The following CADPS2 variants were observed in gnomAD, a reference collection of about 807,000 sequenced individuals.
CADPS2 encodes calcium dependent secretion activator 2.
In CADPS2, 93 loss-of-function variants were observed where a neutral mutation model predicts 172.5. The observed-to-expected ratio is 0.54, with a 90% CI of 0.46 to 0.64. CADPS2 has a LOEUF of 0.64. Ranked by LOEUF, CADPS2 falls within the 30% of genes least tolerant of loss-of-function variation. CADPS2 has a pLI of 0.00. For synonymous variants in CADPS2, 546 were observed against 555.2 expected (o/e 0.98, Z 0.23); for missense variants, 1,420 against 1,565.9 (o/e 0.91, Z 1.57).
intron 9 of CADPS2, among the ~76,000 whole-genome samples, chr7:122,511,362 A>C (rs2059988790): frequency 6.6e-6 from 1 of 152,168 alleles, no homozygotes; most frequent in Admixed American, 6.5e-5. Context: ...ATATGCTAGA[A>C]AATAAGATAA....
chr7:122,863,127 T>C (rs965205200), intron 1 of CADPS2, among the ~76,000 whole-genome samples: 1 of 152,164 alleles, frequency 6.6e-6, no homozygotes, highest in Non-Finnish European at 1.5e-5. Context: ...TCACAACCAT[T>C]ATTGCTGCTG....
intron 14 of CADPS2, among the ~76,000 whole-genome samples, chr7:122,464,409 C>A (rs2054872841): frequency 6.6e-6 from 1 of 152,196 alleles, no homozygotes; most frequent in Admixed American, 6.5e-5. Context: ...ATATTCCTTA[C>A]AGAAGAATTC....
intron 1 of CADPS2, among the ~76,000 whole-genome samples, chr7:122,839,304 T>G (rs979951732): frequency 1.3e-5 from 2 of 152,106 alleles, no homozygotes; most frequent in Non-Finnish European, 2.9e-5. Context: ...ACTTAAATGT[T>G]AGACCTAAAA....
At chr7:122,673,912 G>A (rs2082128090) in intron 2 of CADPS2, among the ~76,000 whole-genome samples, 1 of 151,888 alleles carries the variant, frequency 6.6e-6, no homozygotes, top group Non-Finnish European at 1.5e-5. Flanking sequence ...CACGGCGGGG[G>A]GTGGGGGTGG....
chr7:122,609,899 A>T (rs1179938542), intron 6 of CADPS2, among the ~76,000 whole-genome samples: 1 of 152,164 alleles, frequency 6.6e-6, no homozygotes, highest in African/African-American at 2.4e-5. Context: ...GATGGAGGAG[A>T]TGAATCTCTT....
chr7:122,504,065 C>A (rs1563532392), intron 9 of CADPS2, among the ~76,000 whole-genome samples: 1 of 152,182 alleles, frequency 6.6e-6, no homozygotes, highest in Non-Finnish European at 1.5e-5. Flanking sequence ...ATGTCAAATG[C>A]AAATTCCACT....
intron 2 of CADPS2, among the ~76,000 whole-genome samples, chr7:122,691,709 T>G (rs1242838374): frequency 2.0e-5 from 3 of 152,144 alleles, no homozygotes; most frequent in Non-Finnish European, 4.4e-5. Flanking sequence ...GGAGCAATGT[T>G]GATTGAGAGG....
intron 1 of CADPS2, among the ~76,000 whole-genome samples, chr7:122,820,521 T>C (rs1265512468): frequency 7.0e-6 from 1 of 143,208 alleles, no homozygotes; most frequent in African/African-American, 2.6e-5. Flanking sequence ...AGCCTTTCTG[T>C]CCAAACAACT....
intron 2 of CADPS2, chr7:122,702,355 A>G: frequency 6.2e-7 from 1 of 1,613,734 alleles, no homozygotes; most frequent in Non-Finnish European, 8.5e-7. Context: ...CCGTACCTTG[A>G]TAGTTGTAGA....
chr7:122,531,599 A>G (rs146093331), intron 8 of CADPS2, among the ~76,000 whole-genome samples: 29 of 152,294 alleles, frequency 1.9e-4, no homozygotes, highest in African/African-American at 6.7e-4. Context: ...GTTGAGTCTC[A>G]ATCAGTTTTT....
chr7:122,456,686 G>C (rs2053821738), intron 14 of CADPS2, among the ~76,000 whole-genome samples: 1 of 152,172 alleles, frequency 6.6e-6, no homozygotes, highest in African/African-American at 2.4e-5. Context: ...ACTGAGGCCT[G>C]ATCTTAACGT....
chr7:122,327,813 C>T (rs905055793), intron 28 of CADPS2, among the ~76,000 whole-genome samples: 1 of 151,392 alleles, frequency 6.6e-6, no homozygotes, highest in Non-Finnish European at 1.5e-5. Flanking sequence ...AAGTTAACTG[C>T]AAAAACAGAA....
At chr7:122,422,815 C>A (rs2048688163) in intron 17 of CADPS2, among the ~76,000 whole-genome samples, 1 of 150,548 alleles carries the variant, frequency 6.6e-6, no homozygotes, top group Non-Finnish European at 1.5e-5. Context: ...AAAAAATAGC[C>A]TGGCGTGGTG....
intron 1 of CADPS2, among the ~76,000 whole-genome samples, chr7:122,848,592 G>A (rs1017717622): frequency 6.6e-6 from 1 of 152,164 alleles, no homozygotes; most frequent in African/African-American, 2.4e-5. Context: ...CTAGAAAGAG[G>A]CAAAACTGCG....
chr7:122,732,802 T>C (rs2091791166), intron 2 of CADPS2, among the ~76,000 whole-genome samples: 1 of 142,304 alleles, frequency 7.0e-6, no homozygotes, highest in African/African-American at 2.6e-5. Flanking sequence ...ATACATTATA[T>C]ATTATATACA....
chr7:122,459,821 T>C (rs1452470135), intron 14 of CADPS2, among the ~76,000 whole-genome samples: 2 of 152,218 alleles, frequency 1.3e-5, no homozygotes, highest in South Asian at 2.1e-4. Flanking sequence ...TGGGACACAA[T>C]GTAAGCACAA....
chr7:122,508,448 AG>A (rs2059775429), intron 9 of CADPS2, among the ~76,000 whole-genome samples: 3 of 108,274 alleles, frequency 2.8e-5, no homozygotes, highest in South Asian at 5.6e-4. Flanking sequence ...TATTCATTTA[AG>A]TTTTTTTTTT....
intron 11 of CADPS2, among the ~76,000 whole-genome samples, chr7:122,484,238 T>C (rs969075242): frequency 6.6e-6 from 1 of 152,062 alleles, no homozygotes; most frequent in African/African-American, 2.4e-5. Flanking sequence ...AGAAATCAAT[T>C]TGGAGGACTT....
At chr7:122,475,354 G>A (rs1371037676) in intron 12 of CADPS2, among the ~76,000 whole-genome samples, 41 of 152,172 alleles carry the variant, frequency 2.7e-4, no homozygotes. Context: ...CAAGCAATCA[G>A]TTATCAAGAT....
Sources: allele counts gnomAD v4.1 joint callset (sites outside exome capture counted in the v4.1 genomes callset), GRCh38; gene constraint gnomAD v4.1.1; transcripts MANE v1.5; gene names NCBI Gene and HGNC (gene_info 2026-07-23, HGNC 2026-07-21).